TDRD5: variants seen among roughly 807,000 people sequenced by gnomAD.
TDRD5 encodes the protein tudor domain-containing protein 5.
TDRD5 carries 41 observed loss-of-function variants against 120.6 expected under a neutral mutation model. That is an observed-to-expected ratio of 0.34 (90% CI 0.26 to 0.44). TDRD5 has a LOEUF of 0.44. TDRD5 is among the 20% of genes least tolerant of loss of function. The pLI, the probability that TDRD5 is intolerant of heterozygous loss-of-function variation, is 1.00. For missense variants in TDRD5, 1,006 were observed against 1,221.2 expected (o/e 0.82, Z 2.63); for synonymous variants, 430 against 433.7 (o/e 0.99, Z 0.11).
chr1:179,661,613 T>G (rs999990117), intron 14 of TDRD5, among the ~76,000 whole-genome samples: 1 of 152,186 alleles, frequency 6.6e-6, no homozygotes, highest in Non-Finnish European at 1.5e-5. Flanking sequence ...TTCTGACAGA[T>G]AGAAGAGATG....
chr1:179,626,489 A>C (rs1677139929), intron 6 of TDRD5, among the ~76,000 whole-genome samples: 1 of 152,202 alleles, frequency 6.6e-6, no homozygotes, highest in Admixed American at 6.5e-5. Flanking sequence ...ATCAGGGCTA[A>C]CTGACTGGTA....
intron 14 of TDRD5, among the ~76,000 whole-genome samples, chr1:179,659,550 C>CGTGTGTGT (rs71569263): frequency 2.3e-4 from 30 of 129,884 alleles, no homozygotes; most frequent in East Asian, 1.4e-3. Context: ...TTCCAGTTTT[C>CGTGTGTGT]GTGTGTGTGT....
chr1:179,599,811 TATAAC>T (rs1022141512), intron 4 of TDRD5, among the ~76,000 whole-genome samples: 1 of 152,138 alleles, frequency 6.6e-6, no homozygotes, highest in Non-Finnish European at 1.5e-5. Context: ...TCCACAAAAT[TATAAC>T]AGAACTGGAA....
chr1:179,637,757 C>G (rs1677845053), intron 9 of TDRD5, among the ~76,000 whole-genome samples: 1 of 151,988 alleles, frequency 6.6e-6, no homozygotes, highest in South Asian at 2.1e-4. Context: ...TGCTTCGTGT[C>G]AGAATGTTGA....
chr1:179,684,705 AGCT>A (rs1680606741), intron 17 of TDRD5, among the ~76,000 whole-genome samples: 1 of 152,184 alleles, frequency 6.6e-6, no homozygotes, highest in Admixed American at 6.5e-5. Flanking sequence ...CCTCTCCAGC[AGCT>A]GCTGTTTCCT....
At chr1:179,690,083 C>T (rs960780059) in intron 17 of TDRD5, among the ~76,000 whole-genome samples, 5 of 152,268 alleles carry the variant, frequency 3.3e-5, no homozygotes, top group African/African-American at 1.2e-4. Flanking sequence ...TCCAACAAGC[C>T]CCAGTGAGAT....
intron 4 of TDRD5, among the ~76,000 whole-genome samples, chr1:179,608,656 T>A (rs756216343): frequency 3.9e-5 from 6 of 152,130 alleles, no homozygotes; most frequent in Non-Finnish European, 7.4e-5. Flanking sequence ...ATAATTTCTT[T>A]ATGGACATAA....
At chr1:179,606,267 T>C (rs553751487) in intron 4 of TDRD5, among the ~76,000 whole-genome samples, 2 of 146,034 alleles carry the variant, frequency 1.4e-5, no homozygotes, top group South Asian at 4.5e-4. Flanking sequence ...TCAGGTATTT[T>C]GCCCATTTTT....
At chr1:179,673,539 T>C (rs1048923070) in intron 17 of TDRD5, among the ~76,000 whole-genome samples, 5 of 152,152 alleles carry the variant, frequency 3.3e-5, no homozygotes, top group African/African-American at 1.2e-4. Flanking sequence ...ACATGAGACA[T>C]CAATCAATAT....
intron 6 of TDRD5, among the ~76,000 whole-genome samples, chr1:179,626,179 A>G (rs1361317456): frequency 6.6e-6 from 1 of 152,104 alleles, no homozygotes; most frequent in Non-Finnish European, 1.5e-5. Context: ...TAACCTGCAC[A>G]ATGTGCACAT....
At chr1:179,602,785 T>C (rs977019451) in intron 4 of TDRD5, among the ~76,000 whole-genome samples, 3 of 152,206 alleles carry the variant, frequency 2.0e-5, no homozygotes, top group African/African-American at 7.2e-5. Flanking sequence ...TATAGCCTTA[T>C]AGTATAGTTT....
intron 4 of TDRD5, among the ~76,000 whole-genome samples, chr1:179,611,591 C>CA (rs201375320): frequency 0.013 from 1,937 of 151,646 alleles, 54 homozygotes; most frequent in African/African-American, 0.043. Context: ...CTAAAAGTTC[C>CA]AAAAAAAATT....
Position 179,595,951 on chromosome 1 carries a change from T to C in TDRD5, c.831+133T>C, listed in dbSNP as rs188923273. On this transcript the variant is annotated intron_variant, in intron 4 of 17. Coordinates refer to ENST00000444136, the MANE Select transcript of TDRD5 (RefSeq NM_001199085.3). ...ACTTATTTCAAATTTGACTAAGCAT[T>C]TCCTATGGTTCTGTAGATTAGTAAG... The C allele has an allele frequency of 4.2e-4, 362 of 854,604 alleles. No homozygotes were observed. The African/African-American group carries it at 6.0e-3, about 14-fold the overall frequency. The allele number at this position is 854,604 out of a possible 1,614,324, so 52.9% of individuals were successfully genotyped here. A position where few individuals can be genotyped will look rare whatever the true frequency, so the allele number is the denominator to read the frequency against.
chr1:179,651,382 G>A (rs1428855144), intron 12 of TDRD5, among the ~76,000 whole-genome samples: 1 of 152,122 alleles, frequency 6.6e-6, no homozygotes, highest in Non-Finnish European at 1.5e-5. Context: ...AGAATTGCTT[G>A]AACCTGGGAG....
rs35980053 is a variant in TDRD5 at position 179,612,935 on chromosome 1, C to CAA, written c.832-5644_832-5643dup. ...TGGGTGACAGAGTGAGACTTTGTCT[C>CAA]AAAAAAAAAAAAAAAAAAAAAGAGT... On this transcript the variant is annotated intron_variant, in intron 4 of 17. Transcript: ENST00000444136. Among the ~76,000 whole-genome samples, 784 of 88,248 alleles carry CAA rather than the reference C, an allele frequency of 8.9e-3. 4 individuals carry two copies. Among genetic ancestry groups the CAA allele is most frequent in the African/African-American group, 0.023 (550 of 24,198 alleles). 57.9% of individuals were successfully genotyped at this position (88,248 alleles called of 152,430 possible).
rs757258984 is a variant in TDRD5, at chr1:179,640,461, T to TC, written c.1800+19dup. The TC allele has an allele frequency of 1.8e-5, 29 of 1,612,994 alleles. No individual in the cohort carries two copies. Among genetic ancestry groups the TC allele is most frequent in the Non-Finnish European group, 2.1e-5 (25 of 1,179,000 alleles). ...ACCAGTAGAGGTATGTTTGCTTGTC[T>TC]CCCATTTAATCAGCAAACACTTGAG... On this transcript the variant is annotated intron_variant, in intron 11 of 17. Transcript: ENST00000444136.
intron 11 of TDRD5, among the ~76,000 whole-genome samples, chr1:179,644,057 T>G (rs1053923865): frequency 6.6e-6 from 1 of 151,200 alleles, no homozygotes; most frequent in African/African-American, 2.5e-5. Context: ...GAATTCTATA[T>G]CTAGTGAAAA....
At chr1:179,630,980 G>T in intron 7 of TDRD5, 60 bp downstream of exon 7, 5 of 1,452,312 alleles carry the variant, frequency 3.4e-6, no homozygotes, top group Non-Finnish European at 4.7e-6. Flanking sequence ...AGGACAAAGA[G>T]AAAACATGAA....
At chr1:179,640,339 G>T (rs765138393) in intron 10 of TDRD5, 40 bp from the exon 11 acceptor site, 2 of 1,607,570 alleles carry the variant, frequency 1.2e-6, no homozygotes, top group Non-Finnish European at 8.5e-7. Flanking sequence ...TTTATATATA[G>T]CAGGAAGATT....
Sources: allele counts gnomAD v4.1 joint callset (sites outside exome capture counted in the v4.1 genomes callset), GRCh38; gene constraint gnomAD v4.1.1; transcripts MANE v1.5; gene names NCBI Gene and HGNC (gene_info 2026-07-23, HGNC 2026-07-21).